The following EDIL3 variants were observed in gnomAD, a reference collection of about 807,000 sequenced individuals.
The protein encoded by EDIL3 is EGF-like repeat and discoidin I-like domain-containing protein 3.
In EDIL3, 37 loss-of-function variants were observed where a neutral mutation model predicts 67.4. The observed-to-expected ratio is 0.55, with a 90% CI of 0.42 to 0.72. The LOEUF (loss-of-function observed/expected upper bound fraction) is 0.72, where lower values mean the gene tolerates loss of function less well. EDIL3 is among the 30% of genes least tolerant of loss of function. The pLI is 0.00. For missense variants in EDIL3, 527 were observed against 586.3 expected (o/e 0.90, Z 1.04); for synonymous variants, 195 against 196.3 (o/e 0.99, Z 0.05).
intron 6 of EDIL3, among the ~76,000 whole-genome samples, chr5:84,099,524 T>C (rs2112276169): frequency 6.6e-6 from 1 of 152,272 alleles, no homozygotes; most frequent in South Asian, 2.1e-4. Context: ...GGGCTAGCCA[T>C]ATGCAGAAAA....
rs747280801 is a variant in EDIL3 at position 84,364,048 on chromosome 5, AAC to A, written c.67+20258_67+20259del. Among the ~76,000 whole-genome samples the A allele has an allele frequency of 8.5e-5, 13 of 152,264 alleles. No individual in the cohort carries two copies. In the East Asian group the frequency reaches 2.5e-3, roughly 29 times the overall value. ...CTTAATGGGTACAGTAAAATATACAAACACAACCAAGGGAAGATTATAGAAGA... is the reference window on the plus strand; with the variant it reads ...CTTAATGGGTACAGTAAAATATACAAACAACCAAGGGAAGATTATAGAAGA... On this transcript the variant is annotated intron_variant, in intron 1 of 10. Coordinates refer to ENST00000296591, the MANE Select transcript of EDIL3 (RefSeq NM_005711.5).
chr5:84,050,366 G>T (rs1466931094), intron 9 of EDIL3, among the ~76,000 whole-genome samples: 1 of 152,202 alleles, frequency 6.6e-6, no homozygotes, highest in Non-Finnish European at 1.5e-5. Context: ...AACAGCTCCA[G>T]TCTACAGCTC....
intron 9 of EDIL3, among the ~76,000 whole-genome samples, chr5:84,028,895 G>A (rs887758307): frequency 2.0e-5 from 3 of 152,038 alleles, no homozygotes; most frequent in Non-Finnish European, 2.9e-5. Context: ...GGACCTGGTG[G>A]GAGGTAATTG....
intron 6 of EDIL3, among the ~76,000 whole-genome samples, chr5:84,070,030 G>A (rs1746709267): frequency 6.6e-6 from 1 of 151,996 alleles, no homozygotes; most frequent in South Asian, 2.1e-4. Context: ...GGATACCAAG[G>A]GGAATTTGGC....
intron 9 of EDIL3, among the ~76,000 whole-genome samples, chr5:84,025,352 G>A (rs374743289): frequency 1.6e-4 from 25 of 151,996 alleles, no homozygotes; most frequent in African/African-American, 4.8e-4. Flanking sequence ...TCCCATTACC[G>A]CCTGAGCTCC....
intron 3 of EDIL3, among the ~76,000 whole-genome samples, chr5:84,210,202 T>C (rs1452772489): frequency 6.6e-6 from 1 of 152,184 alleles, no homozygotes; most frequent in Non-Finnish European, 1.5e-5. Context: ...TAGTAAATAT[T>C]TGTTTTTCAT....
At position 84,262,659 on chromosome 5, in the gene EDIL3, G is replaced by GTTTTTTTTTTTTTTTTT. The variant is rs773035274; in HGVS notation, c.68-8464_68-8448dup. Among the ~76,000 whole-genome samples, 272 of 46,316 alleles carry GTTTTTTTTTTTTTTTTT rather than the reference G, an allele frequency of 5.9e-3. 81 individuals carry two copies. The highest frequency in any genetic ancestry group is 8.4e-3 in the African/African-American group (96 of 11,474). 30.4% of individuals were successfully genotyped at this position (46,316 alleles called of 152,430 possible). On this transcript the variant is annotated intron_variant, in intron 1 of 10. Transcript: ENST00000296591. ...AAACTACAATTCCCAAGGTTGGTTG[G>GTTTTTTTTTTTTTTTTT]TTTTTTTTTTTTTTTTTTTTTTTTT... is the stretch of plus-strand genomic sequence containing the variant.
At chr5:84,330,521 G>A (rs1341327293) in intron 1 of EDIL3, among the ~76,000 whole-genome samples, 1 of 152,118 alleles carries the variant, frequency 6.6e-6, no homozygotes, top group African/African-American at 2.4e-5. Context: ...TTAATTGATG[G>A]TTTCTCATAC....
At chr5:84,153,554 C>T (rs1397839231) in intron 4 of EDIL3, among the ~76,000 whole-genome samples, 1 of 151,884 alleles carries the variant, frequency 6.6e-6, no homozygotes, top group Non-Finnish European at 1.5e-5. Context: ...TCCTGACCTC[C>T]CAGGTTCAAG....
intron 1 of EDIL3, among the ~76,000 whole-genome samples, chr5:84,271,213 G>A (rs2087268466): frequency 6.6e-6 from 1 of 151,972 alleles, no homozygotes; most frequent in Non-Finnish European, 1.5e-5. Context: ...TAAAATAAAG[G>A]AGAGACCTGG....
At chr5:84,307,905 T>G (rs534775107) in intron 1 of EDIL3, among the ~76,000 whole-genome samples, 1 of 152,286 alleles carries the variant, frequency 6.6e-6, no homozygotes, top group African/African-American at 2.4e-5. Context: ...GGGTAAAAAC[T>G]GAAATCAGAA....
chr5:84,364,920 A>G lies in EDIL3; in HGVS notation c.67+19388T>C, dbSNP rs1580103761. The stretch of plus-strand genomic sequence containing the variant: ...TATATTTTTGGTCTGTTCTTTGGGA[A>G]ACCATAGAGTGTTATACCAATCCTT... On this transcript the variant is annotated intron_variant, in intron 1 of 10. Coordinates refer to ENST00000296591, the MANE Select transcript of EDIL3 (RefSeq NM_005711.5). Among the ~76,000 whole-genome samples the G allele has an allele frequency of 2.0e-5, 3 of 152,138 alleles. No homozygotes were observed. The East Asian group carries it at 5.8e-4, about 29-fold the overall frequency.
intron 10 of EDIL3, among the ~76,000 whole-genome samples, chr5:83,961,299 T>A (rs1744603100): frequency 6.6e-6 from 1 of 151,040 alleles, no homozygotes; most frequent in Admixed American, 6.6e-5. Flanking sequence ...CCTTTCTCAG[T>A]AACAGATAGT....
intron 9 of EDIL3, among the ~76,000 whole-genome samples, chr5:84,022,699 A>G (rs1014990162): frequency 6.6e-6 from 1 of 151,920 alleles, no homozygotes; most frequent in East Asian, 1.9e-4. Context: ...CATCTAAAAT[A>G]CTTTATCTCA....
At chr5:84,300,774 C>T (rs185724895) in intron 1 of EDIL3, among the ~76,000 whole-genome samples, 4 of 152,142 alleles carry the variant, frequency 2.6e-5, no homozygotes, top group Admixed American at 1.3e-4. Flanking sequence ...TATCTTCATA[C>T]ATAAACAAGG....
At chr5:84,100,884 A>C (rs181525243) in intron 6 of EDIL3, among the ~76,000 whole-genome samples, 7 of 152,182 alleles carry the variant, frequency 4.6e-5, no homozygotes, top group Admixed American at 3.3e-4. Flanking sequence ...TTCCATTTAA[A>C]TTGTTAAATA....
At chr5:84,151,388 C>G (rs1341984066) in intron 4 of EDIL3, among the ~76,000 whole-genome samples, 3 of 151,886 alleles carry the variant, frequency 2.0e-5, no homozygotes, top group Non-Finnish European at 4.4e-5. Flanking sequence ...GTACAATATA[C>G]TTTTATTTCA....
intron 4 of EDIL3, among the ~76,000 whole-genome samples, chr5:84,140,024 G>A (rs1232022342): frequency 1.3e-5 from 2 of 152,114 alleles, no homozygotes; most frequent in African/African-American, 4.8e-5. Context: ...TGCAGGCTGA[G>A]GCAACTGCGT....
chr5:84,361,330 G>A (rs1419531228), intron 1 of EDIL3, among the ~76,000 whole-genome samples: 1 of 150,964 alleles, frequency 6.6e-6, no homozygotes, highest in Non-Finnish European at 1.5e-5. Flanking sequence ...CAAGATGAAT[G>A]TCTTGCTATA....
Sources: allele counts gnomAD v4.1 joint callset (sites outside exome capture counted in the v4.1 genomes callset), GRCh38; gene constraint gnomAD v4.1.1; transcripts MANE v1.5; gene names NCBI Gene and HGNC (gene_info 2026-07-23, HGNC 2026-07-21).